The following FOXN3 variants were observed in gnomAD, a reference collection of about 807,000 sequenced individuals.
The protein encoded by FOXN3 is forkhead box protein N3.
FOXN3 carries 7 observed loss-of-function variants against 38.4 expected under a neutral mutation model. The ratio of observed to expected loss-of-function variants is 0.18; its 90% CI spans 0.10 to 0.34. FOXN3 has a LOEUF of 0.34. Ranked by LOEUF, FOXN3 falls within the 10% of genes least tolerant of loss-of-function variation. FOXN3 has a pLI of 1.00. For missense variants in FOXN3, 456 were observed against 613.4 expected, an observed-to-expected ratio of 0.74 and a Z score of 2.71; for synonymous variants, 230 against 242.2, an observed-to-expected ratio of 0.95 and a Z score of 0.47.
intron 1 of FOXN3, among the ~76,000 whole-genome samples, chr14:89,599,200 G>T (rs1173038499): frequency 4.0e-5 from 6 of 151,862 alleles, no homozygotes; most frequent in Non-Finnish European, 7.4e-5. Context: ...CAATTCATTT[G>T]GTTTTTTTAA....
chr14:89,473,380 C>G (rs757768302), intron 1 of FOXN3, among the ~76,000 whole-genome samples: 1 of 147,912 alleles, frequency 6.8e-6, no homozygotes, highest in Non-Finnish European at 1.5e-5. Flanking sequence ...TACTCCACAA[C>G]GCTTTTTTTT....
At chr14:89,501,612 A>T (rs1449289182) in intron 1 of FOXN3, among the ~76,000 whole-genome samples, 1 of 152,236 alleles carries the variant, frequency 6.6e-6, no homozygotes, top group Non-Finnish European at 1.5e-5. Context: ...TCCATCAGCC[A>T]GAAGTTAAGT....
chr14:89,333,749 TAAAAAAAAAAA>T lies in FOXN3; in HGVS notation c.680+16912_680+16922del, dbSNP rs57491119. Among the ~76,000 whole-genome samples, 8 of 57,266 alleles carry T rather than the reference TAAAAAAAAAAA, an allele frequency of 1.4e-4. No homozygotes were observed. In the East Asian group the frequency reaches 2.8e-3, roughly 20 times the overall value. 37.6% of individuals were successfully genotyped at this position (57,266 alleles called of 152,430 possible). On this transcript the variant is annotated intron_variant, in intron 3 of 5. Coordinates refer to ENST00000557258, the MANE Select transcript of FOXN3 (RefSeq NM_005197.4). ...GCCTGGGTGAACACAGAGAGACTAT[TAAAAAAAAAAA>T]AAAAAAAAAAAAAAAACAGAACCCC...
intron 3 of FOXN3, among the ~76,000 whole-genome samples, chr14:89,292,748 T>C (rs559556248): frequency 5.3e-5 from 8 of 152,276 alleles, no homozygotes; most frequent in South Asian, 2.1e-4. Flanking sequence ...GAGAGATCTA[T>C]TGTTTGTAAA....
rs1157998619 is a variant in FOXN3 at position 89,546,329 on chromosome 14, C to CTTT, written c.-15+72696_-15+72698dup. Among the ~76,000 whole-genome samples, 16 of 78,228 alleles carry CTTT rather than the reference C, an allele frequency of 2.0e-4. 1 individual carries two copies. The highest frequency in any genetic ancestry group is 4.9e-4 in the South Asian group (1 of 2,048). 51.3% of individuals were successfully genotyped at this position (78,228 alleles called of 152,430 possible). ...TAGCTTCTTTTCTTTTTTCCTTTTT[C>CTTT]TTTTTTTTTTTTTTTTTTTGAGATG... On this transcript the variant is annotated intron_variant, in intron 1 of 6. Coordinates refer to the FOXN3 transcript ENST00000345097.
At chr14:89,184,453 T>C (rs1887751704) in intron 4 of FOXN3, among the ~76,000 whole-genome samples, 1 of 152,302 alleles carries the variant, frequency 6.6e-6, no homozygotes, top group African/African-American at 2.4e-5. Context: ...CATGTAAGCA[T>C]CAGGCGCATG....
chr14:89,535,210 T>G (rs1366304728), intron 1 of FOXN3, among the ~76,000 whole-genome samples: 1 of 151,894 alleles, frequency 6.6e-6, no homozygotes, highest in Admixed American at 6.6e-5. Context: ...TCCTCTTTTT[T>G]TTTTTTTAAG....
chr14:89,388,454 C>T (rs1464093251), intron 2 of FOXN3, among the ~76,000 whole-genome samples: 1 of 152,144 alleles, frequency 6.6e-6, no homozygotes, highest in Non-Finnish European at 1.5e-5. Context: ...TGGCTCTGCC[C>T]TTATCAAGTT....
intron 3 of FOXN3, among the ~76,000 whole-genome samples, chr14:89,292,418 G>A (rs1012172464): frequency 3.9e-5 from 6 of 152,126 alleles, no homozygotes; most frequent in Non-Finnish European, 8.8e-5. Flanking sequence ...GGTCACCTGG[G>A]TCCCCCAGTT....
chr14:89,501,921 T>G (rs1055463703), intron 1 of FOXN3, among the ~76,000 whole-genome samples: 1 of 152,002 alleles, frequency 6.6e-6, no homozygotes, highest in Non-Finnish European at 1.5e-5. Context: ...ATCCCAGCAC[T>G]TTGGGAGGCC....
intron 4 of FOXN3, among the ~76,000 whole-genome samples, chr14:89,260,682 A>G (rs1268929466): frequency 6.6e-6 from 1 of 152,220 alleles, no homozygotes; most frequent in African/African-American, 2.4e-5. Flanking sequence ...AACTAGGCTC[A>G]AAGAGGGGCC....
chr14:89,476,633 A>G (rs1314926720), intron 1 of FOXN3, among the ~76,000 whole-genome samples: 1 of 152,248 alleles, frequency 6.6e-6, no homozygotes, highest in Non-Finnish European at 1.5e-5. Context: ...AGAGGGAAAC[A>G]GCACAGTGTC....
At chr14:89,177,736 C>G (rs1287099832) in intron 5 of FOXN3, among the ~76,000 whole-genome samples, 1 of 152,122 alleles carries the variant, frequency 6.6e-6, no homozygotes, top group East Asian at 1.9e-4. Context: ...TCGGAGGTGC[C>G]AAACCCAGTT....
intron 2 of FOXN3, among the ~76,000 whole-genome samples, chr14:89,372,207 A>T (rs569317674): frequency 2.6e-5 from 4 of 152,204 alleles, no homozygotes; most frequent in Non-Finnish European, 5.9e-5. Flanking sequence ...GGCAGGAAAA[A>T]AAAATATGCC....
upstream of FOXN3, among the ~76,000 whole-genome samples, chr14:89,418,162 T>C (rs1891804552): frequency 6.6e-6 from 1 of 152,016 alleles, no homozygotes; most frequent in African/African-American, 2.4e-5. Flanking sequence ...AAAAATGTGA[T>C]TGCACATTAC....
chr14:89,613,116 C>CAAAAAAA lies in FOXN3; in HGVS notation c.-15+5905_-15+5911dup, dbSNP rs10581958. Among the ~76,000 whole-genome samples, 59 of 74,594 alleles carry CAAAAAAA rather than the reference C, an allele frequency of 7.9e-4. 4 individuals are homozygous for CAAAAAAA. The highest frequency in any genetic ancestry group is 3.6e-3 in the African/African-American group (54 of 15,020). 48.9% of individuals were successfully genotyped at this position (74,594 alleles called of 152,430 possible). ...TGGGCGACAGAGCAAGACTCTGTCTCAAAAAAAAAAAAAAAAAAAAAAAAA... is the reference window on the plus strand; with the variant it reads ...TGGGCGACAGAGCAAGACTCTGTCTCAAAAAAAAAAAAAAAAAAAAAAAAAAAAAAAA... On this transcript the variant is annotated intron_variant, in intron 1 of 6. Coordinates refer to the FOXN3 transcript ENST00000345097.
chr14:89,288,670 TTCTCTCTCTCTCTCTCTCTCTC>T (rs1202531466), intron 3 of FOXN3, among the ~76,000 whole-genome samples: 2 of 54,164 alleles, frequency 3.7e-5, no homozygotes, highest in African/African-American at 1.2e-4. Context: ...GGCACTCTCT[TTCTCTCTCTCTCTCTCTCTCTC>T]TCTCTCTCTC....
chr14:89,333,743 G>C (rs1283859316), intron 3 of FOXN3, among the ~76,000 whole-genome samples: 1 of 72,780 alleles, frequency 1.4e-5, no homozygotes, highest in African/African-American at 5.8e-5. Context: ...AACACAGAGA[G>C]ACTATTAAAA....
At chr14:89,359,743 C>T (rs1239484616) in intron 2 of FOXN3, among the ~76,000 whole-genome samples, 4 of 152,198 alleles carry the variant, frequency 2.6e-5, no homozygotes, top group African/African-American at 9.7e-5. Flanking sequence ...CTGCCACCTC[C>T]TTCCTTAAGG....
Sources: gnomAD v4.1 joint callset for allele counts (sites outside exome capture counted in the v4.1 genomes callset) on GRCh38, gnomAD v4.1.1 for gene constraint, MANE v1.5 for transcripts, NCBI Gene and HGNC (gene_info 2026-07-23, HGNC 2026-07-21) for gene names.